The following CACNA2D1 variants were observed in gnomAD, a reference collection of about 807,000 sequenced individuals.
CACNA2D1 encodes voltage-dependent calcium channel subunit alpha-2/delta-1.
CACNA2D1 carries 53 observed loss-of-function variants against 171.5 expected under a neutral mutation model. That is an observed-to-expected ratio of 0.31 (90% CI 0.25 to 0.39). CACNA2D1 has a LOEUF of 0.39. Ranked by LOEUF, CACNA2D1 falls within the 10% of genes least tolerant of loss-of-function variation. The pLI, the probability that CACNA2D1 is intolerant of heterozygous loss-of-function variation, is 1.00. For synonymous variants in CACNA2D1, 442 were observed against 443.1 expected (o/e 1.00, Z 0.03); for missense variants, 903 against 1,299.8 (o/e 0.69, Z 4.69).
chr7:82,025,742 T>A (rs1326898110), intron 12 of CACNA2D1, among the ~76,000 whole-genome samples: 1 of 151,746 alleles, frequency 6.6e-6, no homozygotes, highest in East Asian at 1.9e-4. Context: ...CATATGCACT[T>A]GAGAAAAATG....
chr7:82,332,562 G>GAAAGAAAGAAAGAAAGAA (rs1554514950), intron 3 of CACNA2D1, among the ~76,000 whole-genome samples: 2 of 104,714 alleles, frequency 1.9e-5, no homozygotes, highest in Admixed American at 9.6e-5. Flanking sequence ...AAGAAAGAAA[G>GAAAGAAAGAAAGAAAGAA]AAAGAACGAA....
At chr7:82,392,483 C>A (rs553516071) in intron 1 of CACNA2D1, among the ~76,000 whole-genome samples, 1 of 152,158 alleles carries the variant, frequency 6.6e-6, no homozygotes, top group Non-Finnish European at 1.5e-5. Context: ...GGGTACAAGC[C>A]GTAATGCAGG....
chr7:82,127,092 A>G (rs1405350227), intron 5 of CACNA2D1, among the ~76,000 whole-genome samples: 1 of 152,228 alleles, frequency 6.6e-6, no homozygotes, highest in Non-Finnish European at 1.5e-5. Context: ...TTCTAACTGC[A>G]CTGCTTATTC....
intron 4 of CACNA2D1, among the ~76,000 whole-genome samples, chr7:82,139,441 C>A (rs1180060204): frequency 6.6e-6 from 1 of 152,062 alleles, no homozygotes; most frequent in African/African-American, 2.4e-5. Flanking sequence ...TTGAGAATTT[C>A]CCAATGGTTT....
chr7:81,962,003 A>G lies in CACNA2D1; in HGVS notation c.2857T>C (p.Phe953Leu), dbSNP rs745875905. The G allele has an allele frequency of 3.7e-6, 6 of 1,612,534 alleles. No homozygotes were observed. In the Admixed American group the frequency reaches 6.7e-5, roughly 18 times the overall value. The change falls in exon 36 of 39, where the codon TTC (phenylalanine) becomes CTC (leucine). Residue 953 changes from phenylalanine to leucine, a missense_variant. Phe to Leu is a conservative substitution (Grantham distance 22). Transcript: ENST00000356860. ...LEAVEMEDDD[F>L]TASLSKQSCI... ...CTCTGCTTGGACAGGGAGGCCGTGA[A>G]GTCATCATCCTCCATCTCAACTTGG...
intron 16 of CACNA2D1, among the ~76,000 whole-genome samples, chr7:82,006,730 G>A (rs1025453817): frequency 6.6e-6 from 1 of 151,988 alleles, no homozygotes; most frequent in African/African-American, 2.4e-5. Context: ...GAGAAAGTGA[G>A]AGTTACTCTT....
intron 38 of CACNA2D1, 108 bp downstream of exon 38, chr7:81,959,167 T>C: frequency 2.6e-6 from 2 of 783,052 alleles, no homozygotes; most frequent in Admixed American, 1.9e-5. Flanking sequence ...AGAAAAACTA[T>C]GGTTAAGACA....
At chr7:82,320,837 T>C (rs1815722730) in intron 3 of CACNA2D1, among the ~76,000 whole-genome samples, 1 of 146,490 alleles carries the variant, frequency 6.8e-6, no homozygotes, top group African/African-American at 2.6e-5. Context: ...ACATAAAAAA[T>C]AAACTATCAG....
intron 6 of CACNA2D1, among the ~76,000 whole-genome samples, chr7:82,085,246 G>A (rs909981188): frequency 1.3e-5 from 2 of 151,990 alleles, no homozygotes; most frequent in African/African-American, 4.8e-5. Flanking sequence ...AGCATCTCTG[G>A]CCTCTATCCA....
chr7:82,324,135 T>G (rs1297236648), intron 3 of CACNA2D1, among the ~76,000 whole-genome samples: 1 of 152,076 alleles, frequency 6.6e-6, no homozygotes, highest in East Asian at 1.9e-4. Flanking sequence ...GGTGGGCGGA[T>G]CACTTGAGGT....
intron 3 of CACNA2D1, among the ~76,000 whole-genome samples, chr7:82,249,814 T>C (rs1178640444): frequency 6.6e-6 from 1 of 152,232 alleles, no homozygotes; most frequent in Admixed American, 6.5e-5. Context: ...GGGCCTAGGA[T>C]CAATCCTACA....
intron 7 of CACNA2D1, among the ~76,000 whole-genome samples, chr7:82,068,642 C>T (rs2367905): frequency 0.46 from 69,417 of 151,536 alleles, 17,531 homozygotes; most frequent in African/African-American, 0.68. Flanking sequence ...TCTGATTGAA[C>T]CCAGACTGAC....
At chr7:82,152,340 A>G (rs1174422736) in intron 4 of CACNA2D1, among the ~76,000 whole-genome samples, 1 of 149,734 alleles carries the variant, frequency 6.7e-6, no homozygotes, top group Non-Finnish European at 1.5e-5. Flanking sequence ...AAACCTTAAG[A>G]AAAGGTTAAT....
At chr7:82,138,595 C>T (rs1217866464) in intron 4 of CACNA2D1, among the ~76,000 whole-genome samples, 1 of 151,574 alleles carries the variant, frequency 6.6e-6, no homozygotes, top group Non-Finnish European at 1.5e-5. Flanking sequence ...TACAGGCGCC[C>T]GCCACCATGC....
chr7:82,053,808 G>A (rs1186540099), intron 10 of CACNA2D1, among the ~76,000 whole-genome samples: 2 of 152,094 alleles, frequency 1.3e-5, no homozygotes, highest in East Asian at 1.9e-4. Flanking sequence ...AGGTACTGAG[G>A]TGCATACTTC....
chr7:82,300,455 A>G (rs1445056112), intron 3 of CACNA2D1, among the ~76,000 whole-genome samples: 2 of 152,322 alleles, frequency 1.3e-5, no homozygotes, highest in Admixed American at 6.5e-5. Context: ...TGTTGTCCAC[A>G]TAAAACAAAA....
At chr7:82,072,463 A>C (rs1005763458) in intron 7 of CACNA2D1, among the ~76,000 whole-genome samples, 2 of 151,880 alleles carry the variant, frequency 1.3e-5, no homozygotes, top group African/African-American at 4.8e-5. Flanking sequence ...TTATTGCTAT[A>C]TAAGACTTCT....
At chr7:82,415,038 A>C (rs921974446) in intron 1 of CACNA2D1, among the ~76,000 whole-genome samples, 1 of 152,240 alleles carries the variant, frequency 6.6e-6, no homozygotes, top group African/African-American at 2.4e-5. Flanking sequence ...AAGTCTTTAA[A>C]AGCCTAACGT....
chr7:82,154,394 G>A (rs1302085199), intron 4 of CACNA2D1, among the ~76,000 whole-genome samples: 1 of 152,114 alleles, frequency 6.6e-6, no homozygotes, highest in South Asian at 2.1e-4. Flanking sequence ...AGAAAGGTAT[G>A]GTATGTACTG....
Sources: allele counts gnomAD v4.1 joint callset (sites outside exome capture counted in the v4.1 genomes callset), GRCh38; gene constraint gnomAD v4.1.1; transcripts MANE v1.5; gene names NCBI Gene and HGNC (gene_info 2026-07-23, HGNC 2026-07-21).